The following PIP5K1C variants were observed in gnomAD, a reference collection of about 807,000 sequenced individuals.
PIP5K1C encodes phosphatidylinositol 4-phosphate 5-kinase type-1 gamma.
A neutral mutation model predicts 80.1 loss-of-function variants in PIP5K1C; 45 were observed. The ratio of observed to expected loss-of-function variants is 0.56; its 90% CI spans 0.44 to 0.72. The LOEUF is 0.72. Among genes scored for constraint, PIP5K1C ranks in the 30% least tolerant of loss-of-function variants. PIP5K1C has a pLI of 0.00. For missense variants in PIP5K1C, 753 were observed against 954.6 expected (o/e 0.79, Z 2.78); for synonymous variants, 498 against 420.1 (o/e 1.19, Z -2.27).
intron 15 of PIP5K1C, among the ~76,000 whole-genome samples, chr19:3,640,446 G>A (rs1047628896): frequency 6.6e-6 from 1 of 152,106 alleles, no homozygotes; most frequent in African/African-American, 2.4e-5. Flanking sequence ...AACCCAGGAG[G>A]TGGAGGTTGC....
chr19:3,672,006 G>A (rs2035221814), intron 1 of PIP5K1C, among the ~76,000 whole-genome samples: 1 of 152,190 alleles, frequency 6.6e-6, no homozygotes, highest in African/African-American at 2.4e-5. Flanking sequence ...CGCTGGCCAG[G>A]CCCGAGGCGG....
intron 17 of PIP5K1C, 64 bp from the exon 18 acceptor site, chr19:3,633,233 G>T: frequency 1.4e-6 from 1 of 728,694 alleles, no homozygotes; most frequent in East Asian, 2.6e-5. Flanking sequence ...CCCCCTGCCA[G>T]GGACTGGCTT....
At chr19:3,664,762 G>A in intron 3 of PIP5K1C, 60 bp downstream of exon 3, 1 of 1,365,116 alleles carries the variant, frequency 7.3e-7, no homozygotes, top group Non-Finnish European at 1.0e-6. Flanking sequence ...CTACCAGTGG[G>A]ATCCCCCTCC....
intron 3 of PIP5K1C, among the ~76,000 whole-genome samples, chr19:3,662,495 T>C (rs951458082): frequency 2.0e-5 from 3 of 152,218 alleles, no homozygotes; most frequent in African/African-American, 7.2e-5. Context: ...TCAGTTTCCC[T>C]GCCTGTAGAC....
Position 3,696,954 on chromosome 19 carries a change from C to A in PIP5K1C, c.94+3343G>T, listed in dbSNP as rs1259198870. On this transcript the variant is annotated intron_variant, in intron 1 of 17. Coordinates refer to ENST00000335312, the MANE Select transcript of PIP5K1C (RefSeq NM_012398.3). The surrounding 1 kb of genome is among the most constrained non-coding windows in gnomAD (Gnocchi z 4.1). Reference sequence around the variant, plus strand: ...GGGGCGCCAGGCCTGGCTCAGGGGGCAAAGGAGGACTGAGCTGGACCGAGG... The same window carrying A: ...GGGGCGCCAGGCCTGGCTCAGGGGGAAAAGGAGGACTGAGCTGGACCGAGG... Among the ~76,000 whole-genome samples, 1 of 152,120 alleles carries A rather than the reference C, an allele frequency of 6.6e-6. No homozygotes were observed. Among genetic ancestry groups the A allele is most frequent in the African/African-American group, 2.4e-5 (1 of 41,412 alleles).
intron 1 of PIP5K1C, among the ~76,000 whole-genome samples, chr19:3,675,510 C>T (rs1351394514): frequency 6.6e-6 from 1 of 152,190 alleles, no homozygotes; most frequent in Non-Finnish European, 1.5e-5. Flanking sequence ...TGGACCAAGG[C>T]TTTTGTGAAA....
At chr19:3,695,889 ACTT>A (rs1439496602) in intron 1 of PIP5K1C, among the ~76,000 whole-genome samples, 3 of 151,924 alleles carry the variant, frequency 2.0e-5, no homozygotes, top group Non-Finnish European at 2.9e-5. Context: ...ACGTCTAGCT[ACTT>A]CTTTTAATTT....
Position 3,650,735 on chromosome 19 carries a change from C to T in PIP5K1C, c.1127+1091G>A, listed in dbSNP as rs186962586. 2.2e-3 allele frequency among the ~76,000 whole-genome samples: 336 copies of T among 152,324 alleles called. 1 individual carries two copies. The highest frequency in any genetic ancestry group is 3.8e-3 in the Non-Finnish European group (257 of 68,026). ...AGATGTGGCCTCCTCTCTCCACCACCGTTCCTATCTTCTGTGGCAGCCACT... is the reference window on the plus strand; with the variant it reads ...AGATGTGGCCTCCTCTCTCCACCACTGTTCCTATCTTCTGTGGCAGCCACT... On this transcript the variant is annotated intron_variant, in intron 8 of 17. Transcript: ENST00000335312.
intron 1 of PIP5K1C, among the ~76,000 whole-genome samples, chr19:3,668,870 G>A (rs1485215265): frequency 2.6e-5 from 4 of 152,212 alleles, no homozygotes; most frequent in Non-Finnish European, 2.9e-5. Context: ...GGGAACGGCA[G>A]CACAAAGGTC....
intron 1 of PIP5K1C, among the ~76,000 whole-genome samples, chr19:3,671,559 C>T (rs895578807): frequency 6.6e-5 from 10 of 152,198 alleles, no homozygotes; most frequent in African/African-American, 1.4e-4. Context: ...AGGGACTGGC[C>T]GGGGCCGAAG....
At chr19:3,655,234 C>A (rs138421751) in intron 6 of PIP5K1C, among the ~76,000 whole-genome samples, 3 of 151,208 alleles carry the variant, frequency 2.0e-5, no homozygotes, top group African/African-American at 7.3e-5. Flanking sequence ...CTGGCTAACA[C>A]GGTGAAACCA....
intron 16 of PIP5K1C, 86 bp downstream of exon 16, chr19:3,638,798 T>G: frequency 6.5e-7 from 1 of 1,543,992 alleles, no homozygotes; most frequent in Non-Finnish European, 8.9e-7. Context: ...TGTGCAGGTG[T>G]GTGTATGCGG....
At chr19:3,655,884 C>G (rs144111571) in intron 6 of PIP5K1C, among the ~76,000 whole-genome samples, 39 of 152,336 alleles carry the variant, frequency 2.6e-4, no homozygotes, top group East Asian at 7.7e-4. Flanking sequence ...CTACTCCCCC[C>G]TCCCGGGGCC....
chr19:3,636,924 A>G, intron 16 of PIP5K1C: 1 of 1,007,944 alleles, frequency 9.9e-7, no homozygotes, highest in Non-Finnish European at 1.2e-6. Context: ...CGTGGGGCCC[A>G]TGTGGCGTCC....
At chr19:3,651,302 C>CA (rs1013279615) in intron 8 of PIP5K1C, among the ~76,000 whole-genome samples, 19 of 152,248 alleles carry the variant, frequency 1.2e-4, no homozygotes, top group African/African-American at 4.3e-4. Context: ...GCAATCCTCC[C>CA]ACCTTGGTCT....
At chr19:3,635,178 C>T (rs1277953066) in intron 16 of PIP5K1C, among the ~76,000 whole-genome samples, 1 of 152,262 alleles carries the variant, frequency 6.6e-6, no homozygotes, top group Non-Finnish European at 1.5e-5. Context: ...CTCAGAGCCG[C>T]TCTCTGGGAG....
At chr19:3,644,026 C>T (rs1461684946) in intron 12 of PIP5K1C, 61 bp downstream of exon 12, 11 of 1,573,522 alleles carry the variant, frequency 7.0e-6, no homozygotes, top group South Asian at 1.1e-5. Context: ...ACCCCACCCA[C>T]GGGGCTGCTG....
At chr19:3,657,950 G>A (rs998975855) in intron 5 of PIP5K1C, among the ~76,000 whole-genome samples, 1 of 152,112 alleles carries the variant, frequency 6.6e-6, no homozygotes, top group Non-Finnish European at 1.5e-5. Context: ...ACCCCAACAA[G>A]TGAGGGGAAC....
chr19:3,679,109 A>T (rs1015610285), intron 1 of PIP5K1C, among the ~76,000 whole-genome samples: 1 of 150,958 alleles, frequency 6.6e-6, no homozygotes, highest in Non-Finnish European at 1.5e-5. Context: ...CACTTTTGAA[A>T]ATTCTCTTTA....
Sources: gnomAD v4.1 joint callset for allele counts (sites outside exome capture counted in the v4.1 genomes callset) on GRCh38, gnomAD v4.1.1 for gene constraint, Gnocchi (gnomAD v3.1) non-coding constraint, MANE v1.5 for transcripts, NCBI Gene and HGNC (gene_info 2026-07-23, HGNC 2026-07-21) for gene names.